Variants in MOXD1 observed in about 807,000 individuals in gnomAD.
MOXD1 encodes the protein DBH-like monooxygenase protein 1.
Under a neutral mutation model 66.6 loss-of-function variants are expected in MOXD1, and 62 were observed. The ratio of observed to expected loss-of-function variants is 0.93; its 90% confidence interval spans 0.76 to 1.15. The LOEUF is 1.15. Among genes scored for constraint, MOXD1 ranks in the 50% most tolerant of loss-of-function variants. MOXD1 has a pLI of 0.00. For missense variants in MOXD1, 847 were observed against 754.6 expected (o/e 1.12, Z -1.44); for synonymous variants, 303 against 281.9 (o/e 1.07, Z -0.75).
chr6:132,312,490 A>C (rs1213240088), intron 10 of MOXD1, among the ~76,000 whole-genome samples: 1 of 152,168 alleles, frequency 6.6e-6, no homozygotes, highest in Non-Finnish European at 1.5e-5. Flanking sequence ...GTGATGAACT[A>C]GATTTAATGT....
chr6:132,363,076 G>T (rs1249534997), intron 4 of MOXD1, among the ~76,000 whole-genome samples: 1 of 152,158 alleles, frequency 6.6e-6, no homozygotes, highest in Non-Finnish European at 1.5e-5. Context: ...GAAGATTCTG[G>T]TGGGGTCTGC....
At position 132,374,734 on chromosome 6, in the gene MOXD1, T is replaced by G. The variant is rs898741066; in HGVS notation, c.308A>C (p.Gln103Pro). The G allele has an allele frequency of 1.2e-6, 2 of 1,613,896 alleles. No individual in the cohort carries two copies. The highest frequency in any genetic ancestry group is 1.7e-6 in the Non-Finnish European group (2 of 1,179,930). ...NANRELKKDAQQDYHLEYAME... is the reference protein window; with the variant it reads ...NANRELKKDAPQDYHLEYAME... ...GGCATATTCTAGATGGTAATCTTGCTGAGCATCTTTTTTCAACTCTCTATT... is the reference window on the plus strand; with the variant it reads ...GGCATATTCTAGATGGTAATCTTGCGGAGCATCTTTTTTCAACTCTCTATT... Residue 103 changes from glutamine (Q) to proline (P), a missense_variant, in exon 2 of 12, where the codon CAG becomes CCG. Gln to Pro is a moderately conservative substitution (Grantham distance 76, BLOSUM62 -1). Transcript: ENST00000367963.
intron 4 of MOXD1, among the ~76,000 whole-genome samples, chr6:132,371,219 T>C (rs1776256147): frequency 6.6e-6 from 1 of 152,290 alleles, no homozygotes; most frequent in East Asian, 1.9e-4. Flanking sequence ...TCCTGAGGAA[T>C]ACTTTTCATT....
At chr6:132,355,789 C>T (rs1025894815) in intron 4 of MOXD1, among the ~76,000 whole-genome samples, 4 of 152,172 alleles carry the variant, frequency 2.6e-5, no homozygotes, top group African/African-American at 9.7e-5. Context: ...ATAACATGTG[C>T]TTCTTCATTT....
intron 4 of MOXD1, among the ~76,000 whole-genome samples, chr6:132,332,455 A>G (rs1216908856): frequency 6.6e-6 from 1 of 152,228 alleles, no homozygotes; most frequent in African/African-American, 2.4e-5. Flanking sequence ...GAAACTGATA[A>G]TATGGGAGAA....
intron 4 of MOXD1, among the ~76,000 whole-genome samples, chr6:132,334,901 A>G (rs1775404524): frequency 2.0e-5 from 3 of 152,234 alleles, no homozygotes; most frequent in Admixed American, 1.3e-4. Flanking sequence ...ATCTTATTCT[A>G]CTTAACTTGA....
chr6:132,353,867 A>T (rs992575813), intron 4 of MOXD1, among the ~76,000 whole-genome samples: 122 of 147,820 alleles, frequency 8.3e-4, no homozygotes, highest in African/African-American at 3.1e-3. Flanking sequence ...ATATTTTCTT[A>T]TTTTTTCTTT....
intron 4 of MOXD1, among the ~76,000 whole-genome samples, chr6:132,333,729 TG>T (rs1320849037): frequency 6.6e-6 from 1 of 152,126 alleles, no homozygotes; most frequent in Non-Finnish European, 1.5e-5. Flanking sequence ...TGTACAAAGG[TG>T]GGGTGTACAG....
Position 132,328,012 on chromosome 6 carries a change from C to A in MOXD1, c.946+1G>T. On this transcript the variant is annotated splice_donor_variant, in intron 6 of 11. Transcript: ENST00000367963. LOFTEE classifies it high-confidence loss of function. Reference sequence around the variant, plus strand: ...GTAAAACATATGAATAATAAACTCACCTTCCTCATAAGTGGGATTATCATA... The same window carrying A: ...GTAAAACATATGAATAATAAACTCAACTTCCTCATAAGTGGGATTATCATA... 6.2e-7 allele frequency: 1 copy of A among 1,607,026 alleles called. No individual in the cohort carries two copies. The highest frequency in any genetic ancestry group is 8.5e-7 in the Non-Finnish European group (1 of 1,174,196).
intron 10 of MOXD1, among the ~76,000 whole-genome samples, chr6:132,308,345 C>A (rs1023604575): frequency 1.3e-5 from 2 of 152,078 alleles, no homozygotes; most frequent in African/African-American, 4.8e-5. Context: ...CTGAATAGAC[C>A]AATAACAAGT....
intron 4 of MOXD1, among the ~76,000 whole-genome samples, chr6:132,369,468 C>T (rs1398989956): frequency 1.3e-5 from 2 of 150,580 alleles, no homozygotes; most frequent in Admixed American, 1.3e-4. Context: ...GTCTTAACAA[C>T]CTTATCATTT....
At chr6:132,336,221 C>T (rs1775432199) in intron 4 of MOXD1, among the ~76,000 whole-genome samples, 2 of 152,164 alleles carry the variant, frequency 1.3e-5, no homozygotes, top group Non-Finnish European at 2.9e-5. Context: ...TGTAAATTCC[C>T]ATCACTTTTC....
intron 10 of MOXD1, among the ~76,000 whole-genome samples, chr6:132,303,784 CATATATACAT>C (rs1218103280): frequency 1.1e-4 from 14 of 128,796 alleles, no homozygotes; most frequent in African/African-American, 3.7e-4. Flanking sequence ...CATATATACA[CATATATACAT>C]ATATACACAC....
chr6:132,374,601 C>A, intron 2 of MOXD1, 30 bp downstream of exon 2: 1 of 1,604,470 alleles, frequency 6.2e-7, no homozygotes, highest in South Asian at 1.1e-5. Flanking sequence ...ACAATTTGTT[C>A]ATGCATGCAT....
chr6:132,325,096 C>G (rs1484540026), intron 6 of MOXD1: 2 of 152,078 alleles, frequency 1.3e-5, no homozygotes, highest in African/African-American at 2.4e-5. Flanking sequence ...ACCTCCCTAA[C>G]AGCCTTGGAA....
chr6:132,366,168 A>T (rs968069867), intron 4 of MOXD1, among the ~76,000 whole-genome samples: 10 of 152,182 alleles, frequency 6.6e-5, no homozygotes, highest in Admixed American at 2.6e-4. Context: ...AGAAATGGAA[A>T]GTATTTTCAC....
chr6:132,313,519 G>A (rs530908658), intron 10 of MOXD1, among the ~76,000 whole-genome samples: 1 of 152,200 alleles, frequency 6.6e-6, no homozygotes, highest in East Asian at 1.9e-4. Context: ...GTAATATTTA[G>A]GCACAAAAAC....
At chr6:132,390,052 C>T (rs1404630912) in intron 1 of MOXD1, among the ~76,000 whole-genome samples, 5 of 151,310 alleles carry the variant, frequency 3.3e-5, no homozygotes, top group East Asian at 1.9e-4. Context: ...AATACATCAA[C>T]GCCTAGTATT....
At chr6:132,399,498 A>C (rs1430830651) in intron 1 of MOXD1, among the ~76,000 whole-genome samples, 1 of 152,204 alleles carries the variant, frequency 6.6e-6, no homozygotes, top group Admixed American at 6.5e-5. Flanking sequence ...GAAGAACCAC[A>C]AACAGGGTGA....
Sources: gnomAD v4.1 joint callset for allele counts (sites outside exome capture counted in the v4.1 genomes callset) on GRCh38, gnomAD v4.1.1 for gene constraint, MANE v1.5 for transcripts, NCBI Gene and HGNC (gene_info 2026-07-23, HGNC 2026-07-21) for gene names.